CNTNAP2: variants seen among roughly 807,000 people sequenced by gnomAD.
CNTNAP2 encodes contactin associated protein 2.
In CNTNAP2, 98 loss-of-function variants were observed where a neutral mutation model predicts 155.2. The observed-to-expected ratio is 0.63, with a 90% CI of 0.54 to 0.75. The LOEUF is 0.75. Ranked by LOEUF, CNTNAP2 falls within the 30% of genes least tolerant of loss-of-function variation. The pLI is 0.00. For missense variants in CNTNAP2, 1,727 were observed against 1,688.1 expected (o/e 1.02, Z -0.40); for synonymous variants, 651 against 631.2 (o/e 1.03, Z -0.47).
intron 14 of CNTNAP2, among the ~76,000 whole-genome samples, chr7:147,919,187 C>CAGAA (rs898055337): frequency 6.6e-6 from 1 of 151,992 alleles, no homozygotes; most frequent in African/African-American, 2.4e-5. Flanking sequence ...ACAGAGGCTC[C>CAGAA]AGAAAGGAAC....
Position 147,742,617 on chromosome 7 carries a change from A to C in CNTNAP2, c.2098+103311A>C, listed in dbSNP as rs185243513. Among the ~76,000 whole-genome samples, 18 of 152,328 alleles carry C rather than the reference A, an allele frequency of 1.2e-4. No individual in the cohort carries two copies. The East Asian group carries it at 2.9e-3, about 25-fold the overall frequency. ...ACATACCTCCTATTTTGAGCCAAGA[A>C]TCAGGCTTTGAATAAGGTTTCGCTC... On this transcript the variant is annotated intron_variant, in intron 13 of 23. Transcript: ENST00000361727.
chr7:147,258,228 T>C (rs900426689), intron 8 of CNTNAP2, among the ~76,000 whole-genome samples: 1 of 152,186 alleles, frequency 6.6e-6, no homozygotes, highest in Non-Finnish European at 1.5e-5. Context: ...AATTATTTTT[T>C]AATTGATGCA....
chr7:146,775,855 A>G (rs1802381322), intron 2 of CNTNAP2, among the ~76,000 whole-genome samples: 1 of 152,128 alleles, frequency 6.6e-6, no homozygotes, highest in Admixed American at 6.6e-5. Context: ...ACTTGGTGAA[A>G]GAGTGATACA....
intron 1 of CNTNAP2, among the ~76,000 whole-genome samples, chr7:146,256,252 T>C (rs1005736031): frequency 1.3e-5 from 2 of 152,184 alleles, no homozygotes; most frequent in African/African-American, 2.4e-5. Flanking sequence ...TTCTATTTCA[T>C]TAAATGTTCT....
intron 17 of CNTNAP2, among the ~76,000 whole-genome samples, chr7:148,154,097 G>C (rs1389298240): frequency 1.3e-5 from 2 of 152,196 alleles, no homozygotes; most frequent in African/African-American, 4.8e-5. Flanking sequence ...TATCTCTCTA[G>C]AGGTTAAAGG....
At chr7:146,805,046 AGGCAAAAGT>A (rs1802942962) in intron 2 of CNTNAP2, among the ~76,000 whole-genome samples, 1 of 152,220 alleles carries the variant, frequency 6.6e-6, no homozygotes, top group Non-Finnish European at 1.5e-5. Flanking sequence ...GGCGAACAAG[AGGCAAAAGT>A]GGAGACTTTG....
At chr7:146,613,316 A>G (rs1799170424) in intron 1 of CNTNAP2, among the ~76,000 whole-genome samples, 1 of 152,188 alleles carries the variant, frequency 6.6e-6, no homozygotes, top group African/African-American at 2.4e-5. Flanking sequence ...TGAAGCTTAC[A>G]TTTTGGCTAA....
Position 148,217,290 on chromosome 7 carries a change from G to A in CNTNAP2, c.3013G>A (p.Val1005Ile), listed in dbSNP as rs771400850. 5.6e-6 allele frequency: 9 copies of A among 1,613,836 alleles called. No homozygotes were observed. The highest frequency in any genetic ancestry group is 3.3e-4 in the Middle Eastern group (2 of 6,084). Residue 1005 changes from valine (V) to isoleucine (I), a missense_variant and splice_region_variant, in exon 19 of 24, where the codon GTT becomes ATT. Coordinates refer to ENST00000361727, the MANE Select transcript of CNTNAP2 (RefSeq NM_014141.6). ...ATTCTCTCTCTCCTTTATAACAGAT[G>A]TTGGTGCATTTTTTGAAGAAGGGAT... ...AYDGTFCNKDVGAFFEEGMWL... is the reference protein window; with the variant it reads ...AYDGTFCNKDIGAFFEEGMWL...
At chr7:147,271,758 T>TC (rs1320968117) in intron 8 of CNTNAP2, among the ~76,000 whole-genome samples, 2 of 152,146 alleles carry the variant, frequency 1.3e-5, no homozygotes, top group Admixed American at 1.3e-4. Context: ...CCCCCATGAT[T>TC]CAGCGATCTC....
chr7:146,822,263 T>C (rs1170404652), intron 2 of CNTNAP2, among the ~76,000 whole-genome samples: 2 of 152,144 alleles, frequency 1.3e-5, no homozygotes, highest in African/African-American at 2.4e-5. Context: ...TATGTGGGAA[T>C]TGAACAATGA....
chr7:147,492,181 C>G (rs188210414), intron 11 of CNTNAP2, among the ~76,000 whole-genome samples: 6 of 152,146 alleles, frequency 3.9e-5, no homozygotes, highest in Non-Finnish European at 7.3e-5. Flanking sequence ...CTCAGATCAC[C>G]AGGCATTAGT....
At chr7:146,248,274 G>A (rs919903930) in intron 1 of CNTNAP2, among the ~76,000 whole-genome samples, 1 of 152,004 alleles carries the variant, frequency 6.6e-6, no homozygotes, top group African/African-American at 2.4e-5. Context: ...GAAGGGGTTG[G>A]GGGTTTCTTG....
At chr7:146,725,078 G>A (rs1801407951) in intron 1 of CNTNAP2, among the ~76,000 whole-genome samples, 1 of 152,030 alleles carries the variant, frequency 6.6e-6, no homozygotes, top group Admixed American at 6.6e-5. Flanking sequence ...GTTGCTGTTA[G>A]TCCTTCGTGG....
chr7:146,402,945 A>T (rs963435121), intron 1 of CNTNAP2, among the ~76,000 whole-genome samples: 1 of 152,114 alleles, frequency 6.6e-6, no homozygotes, highest in African/African-American at 2.4e-5. Context: ...TATTTGAAGT[A>T]TTAAAGTAAT....
At chr7:147,721,622 A>C (rs1489017914) in intron 13 of CNTNAP2, among the ~76,000 whole-genome samples, 1 of 152,072 alleles carries the variant, frequency 6.6e-6, no homozygotes, top group Non-Finnish European at 1.5e-5. Flanking sequence ...TTCTTCCAGG[A>C]GTTCCCTTTA....
intron 3 of CNTNAP2, among the ~76,000 whole-genome samples, chr7:146,960,580 A>G (rs935389679): frequency 1.3e-5 from 2 of 152,226 alleles, no homozygotes; most frequent in Non-Finnish European, 2.9e-5. Flanking sequence ...CAATTGTCAT[A>G]CAAGGCATAT....
At chr7:147,054,172 T>C (rs1466790977) in intron 4 of CNTNAP2, among the ~76,000 whole-genome samples, 1 of 152,184 alleles carries the variant, frequency 6.6e-6, no homozygotes, top group Non-Finnish European at 1.5e-5. Flanking sequence ...ATTTTGTGAA[T>C]TCTAATGACC....
rs577689936 is a variant in CNTNAP2, at chr7:146,673,566, A to G, written c.98-100705A>G. Reference sequence around the variant, plus strand: ...GTAACAAGTAGCCAAGTCTCATCCCATTACGACAACCATACTTCAATCACA... The same window carrying G: ...GTAACAAGTAGCCAAGTCTCATCCCGTTACGACAACCATACTTCAATCACA... On this transcript the variant is annotated intron_variant, in intron 1 of 23. Transcript: ENST00000361727. Among the ~76,000 whole-genome samples, 33 of 152,296 alleles carry G rather than the reference A, an allele frequency of 2.2e-4. No individual in the cohort carries two copies. In the East Asian group the frequency reaches 6.4e-3, roughly 29 times the overall value.
At chr7:147,808,076 C>T (rs1798122514) in intron 13 of CNTNAP2, among the ~76,000 whole-genome samples, 1 of 152,086 alleles carries the variant, frequency 6.6e-6, no homozygotes, top group Admixed American at 6.6e-5. Flanking sequence ...GGCACTGACT[C>T]TCCTGGGATA....
Sources: allele counts gnomAD v4.1 joint callset (sites outside exome capture counted in the v4.1 genomes callset), GRCh38; gene constraint gnomAD v4.1.1; transcripts MANE v1.5; gene names NCBI Gene and HGNC (gene_info 2026-07-23, HGNC 2026-07-21).